The following CRPPA variants were observed in gnomAD, a reference collection of about 807,000 sequenced individuals.
CRPPA encodes CDP-L-ribitol pyrophosphorylase A.
Under a neutral mutation model 52.0 loss-of-function variants are expected in CRPPA, and 43 were observed. That is an observed-to-expected ratio of 0.83 (90% CI 0.65 to 1.07). The LOEUF is 1.07. Among genes scored for constraint, CRPPA ranks in the 50% least tolerant of loss-of-function variants. The probability of loss-of-function intolerance (pLI) is 0.00; values close to 1 mark genes in which losing one functional copy is unlikely to be tolerated. For synonymous variants in CRPPA, 250 were observed against 203.5 expected (o/e 1.23, Z -1.94); for missense variants, 629 against 551.7 (o/e 1.14, Z -1.40).
intron 9 of CRPPA, among the ~76,000 whole-genome samples, chr7:16,206,519 T>A (rs1246142859): frequency 6.6e-6 from 1 of 152,094 alleles, no homozygotes; most frequent in Non-Finnish European, 1.5e-5. Flanking sequence ...GCCTAATTAT[T>A]TTTATTGTGA....
At chr7:16,400,357 C>G (rs1318473599) in intron 2 of CRPPA, among the ~76,000 whole-genome samples, 1 of 152,222 alleles carries the variant, frequency 6.6e-6, no homozygotes, top group Admixed American at 6.5e-5. Flanking sequence ...ATGATTGACA[C>G]ATGACCAACA....
intron 9 of CRPPA, among the ~76,000 whole-genome samples, chr7:16,157,215 G>A (rs1454359307): frequency 6.9e-6 from 1 of 145,210 alleles, no homozygotes; most frequent in Non-Finnish European, 1.5e-5. Context: ...AAAGAGCCAA[G>A]AAATGAAATT....
At chr7:16,098,359 AC>A (rs1781974926) in intron 9 of CRPPA, among the ~76,000 whole-genome samples, 1 of 152,232 alleles carries the variant, frequency 6.6e-6, no homozygotes, top group African/African-American at 2.4e-5. Context: ...AAGAGATTAC[AC>A]AATGTTTCTT....
chr7:16,420,763 C>T (rs865797365), intron 1 of CRPPA, among the ~76,000 whole-genome samples: 16 of 152,288 alleles, frequency 1.1e-4, no homozygotes, highest in African/African-American at 3.9e-4. Flanking sequence ...CAGCTAGAAC[C>T]CCAAATCGCC....
At chr7:16,238,035 G>C (rs907984572) in intron 8 of CRPPA, among the ~76,000 whole-genome samples, 1 of 152,110 alleles carries the variant, frequency 6.6e-6, no homozygotes, top group African/African-American at 2.4e-5. Flanking sequence ...AAGGGAAAGG[G>C]ACCAGGGAAT....
chr7:16,185,039 T>C (rs1206023137), intron 9 of CRPPA, among the ~76,000 whole-genome samples: 1 of 152,194 alleles, frequency 6.6e-6, no homozygotes, highest in African/African-American at 2.4e-5. Flanking sequence ...CCATAGACTA[T>C]TTTAAGACAG....
chr7:16,169,509 T>C (rs2128384775), intron 9 of CRPPA, among the ~76,000 whole-genome samples: 2 of 152,324 alleles, frequency 1.3e-5, no homozygotes, highest in South Asian at 4.1e-4. Context: ...TTTTATCGTT[T>C]TACAACATAT....
At chr7:16,305,659 A>AT (rs1784891686) in intron 4 of CRPPA, among the ~76,000 whole-genome samples, 1 of 152,170 alleles carries the variant, frequency 6.6e-6, no homozygotes, top group African/African-American at 2.4e-5. Flanking sequence ...CAAAGTCAGG[A>AT]GATCAAGACC....
chr7:16,262,447 G>T (rs1294183698), intron 6 of CRPPA, among the ~76,000 whole-genome samples: 1 of 152,036 alleles, frequency 6.6e-6, no homozygotes, highest in East Asian at 1.9e-4. Flanking sequence ...ACAATGTTGT[G>T]TTTTCAATTT....
intron 2 of CRPPA, among the ~76,000 whole-genome samples, chr7:16,389,925 AAAAATATATATATATATATATAT>A (rs1471249059): frequency 1.1e-4 from 8 of 72,366 alleles, no homozygotes; most frequent in Admixed American, 8.0e-4. Flanking sequence ...AAAAAAAAAA[AAAAATATATATATATATATATAT>A]ATATATATAT....
chr7:16,335,996 A>C (rs1018626522), intron 3 of CRPPA, among the ~76,000 whole-genome samples: 4 of 152,198 alleles, frequency 2.6e-5, no homozygotes, highest in African/African-American at 7.2e-5. Flanking sequence ...ACTGTCAAAC[A>C]AGAATACTTT....
chr7:16,301,259 TGA>T (rs1236641556), intron 5 of CRPPA, among the ~76,000 whole-genome samples, 160 bp downstream of exon 5: 3 of 152,238 alleles, frequency 2.0e-5, no homozygotes, highest in Non-Finnish European at 2.9e-5. Flanking sequence ...TTCTCTAGCA[TGA>T]AACACATAAA....
At chr7:16,237,891 C>T (rs958822513) in intron 8 of CRPPA, among the ~76,000 whole-genome samples, 1 of 152,198 alleles carries the variant, frequency 6.6e-6, no homozygotes, top group African/African-American at 2.4e-5. Flanking sequence ...CCTCTCACTC[C>T]TCACAGAGTT....
intron 1 of CRPPA, among the ~76,000 whole-genome samples, chr7:16,417,797 T>TAA (rs370966458): frequency 1.0e-4 from 15 of 146,516 alleles, no homozygotes; most frequent in Non-Finnish European, 2.1e-4. Context: ...GTTGAAGTTA[T>TAA]AAAAAAAAAA....
At chr7:16,128,367 T>C (rs1030229213) in intron 9 of CRPPA, among the ~76,000 whole-genome samples, 1 of 152,118 alleles carries the variant, frequency 6.6e-6, no homozygotes, top group African/African-American at 2.4e-5. Context: ...CCCCAAATAA[T>C]ACCAGTGATC....
At chr7:16,255,757 TG>T (rs1291221349) in intron 8 of CRPPA, among the ~76,000 whole-genome samples, 3 of 152,170 alleles carry the variant, frequency 2.0e-5, no homozygotes, top group African/African-American at 7.2e-5. Context: ...AAGCTGAAAC[TG>T]GATCCCTTCC....
At chr7:16,263,024 A>C (rs1281384126) in intron 6 of CRPPA, among the ~76,000 whole-genome samples, 1 of 152,180 alleles carries the variant, frequency 6.6e-6, no homozygotes, top group Non-Finnish European at 1.5e-5. Flanking sequence ...TACTATTTTT[A>C]AGTACTTTAA....
At chr7:16,169,535 G>C (rs1228372973) in intron 9 of CRPPA, among the ~76,000 whole-genome samples, 1 of 152,230 alleles carries the variant, frequency 6.6e-6, no homozygotes, top group Non-Finnish European at 1.5e-5. Context: ...ATTCATAGGA[G>C]AATGCTCTTG....
chr7:16,315,372 G>A (rs1785123016), intron 3 of CRPPA, among the ~76,000 whole-genome samples: 2 of 152,062 alleles, frequency 1.3e-5, no homozygotes, highest in Admixed American at 1.3e-4. Context: ...TGGTTCTTAT[G>A]CTCACTATTT....
Sources: allele counts gnomAD v4.1 joint callset (sites outside exome capture counted in the v4.1 genomes callset), GRCh38; gene constraint gnomAD v4.1.1; transcripts MANE v1.5; gene names NCBI Gene and HGNC (gene_info 2026-07-23, HGNC 2026-07-21).